The following RFX2 variants were observed in gnomAD, a reference collection of about 807,000 sequenced individuals.
The protein encoded by RFX2 is regulatory factor X2, also known as DNA-binding protein RFX2.
A neutral mutation model predicts 87.8 loss-of-function variants in RFX2; 20 were observed. The observed-to-expected ratio is 0.23, with a 90% confidence interval of 0.16 to 0.33. The LOEUF (loss-of-function observed/expected upper bound fraction) is 0.33, where lower values mean the gene tolerates loss of function less well. RFX2 is among the 10% of genes least tolerant of loss of function. The pLI, the probability that RFX2 is intolerant of heterozygous loss-of-function variation, is 1.00. For synonymous variants in RFX2, 397 were observed against 431.3 expected (o/e 0.92, Z 0.98); for missense variants, 767 against 1,012.3 (o/e 0.76, Z 3.29).
intron 1 of RFX2, among the ~76,000 whole-genome samples, chr19:6,105,391 A>T (rs1421096298): frequency 1.3e-5 from 2 of 152,094 alleles, no homozygotes; most frequent in Non-Finnish European, 2.9e-5. Flanking sequence ...GCAGAGCTGG[A>T]ATGAGCTTCC....
chr19:6,093,929 G>C (rs1039699803), intron 1 of RFX2, among the ~76,000 whole-genome samples: 1 of 152,294 alleles, frequency 6.6e-6, no homozygotes, highest in Admixed American at 6.5e-5. Context: ...TGGCTGCCAG[G>C]GGCTGGGGAA....
Position 6,050,937 on chromosome 19 carries a change from A to G in RFX2, c.-8-3433T>C, listed in dbSNP as rs920475993. Among the ~76,000 whole-genome samples, 2 of 152,202 alleles carry G rather than the reference A, an allele frequency of 1.3e-5. No homozygotes were observed. The highest frequency in any genetic ancestry group is 4.8e-5 in the African/African-American group (2 of 41,444). On this transcript the variant is annotated intron_variant, in intron 1 of 17. Coordinates refer to ENST00000303657, the MANE Select transcript of RFX2 (RefSeq NM_000635.4). The surrounding 1 kb of genome is among the most constrained non-coding windows in gnomAD (Gnocchi z 4.6). ...TTATATTCGGAGAACAAGGGCACAG[A>G]TGATGACTGGCTTCTCATCAATAAC...
rs66503447 is a variant in RFX2 at position 6,083,548 on chromosome 19, G to GTTT, written c.-9+26842_-9+26844dup. Reference sequence around the variant, plus strand: ...TGTGCTAGATGTAGTCTGCTGACCCGTTTTTTTTTTTTTTAATTTTTATTC... The same window carrying GTTT: ...TGTGCTAGATGTAGTCTGCTGACCCGTTTTTTTTTTTTTTTTTAATTTTTATTC... On this transcript the variant is annotated intron_variant, in intron 1 of 17. Coordinates refer to ENST00000303657, the MANE Select transcript of RFX2 (RefSeq NM_000635.4). The surrounding 1 kb of genome is among the most constrained non-coding windows in gnomAD (Gnocchi z 4.6). Among the ~76,000 whole-genome samples the GTTT allele has an allele frequency of 0.013, 1,900 of 143,596 alleles. 46 individuals carry two copies. The highest frequency in any genetic ancestry group is 0.046 in the African/African-American group (1,812 of 39,228). The allele number at this position is 143,596 out of a possible 152,430, so 94.2% of individuals were successfully genotyped here.
chr19:6,084,688 G>A (rs1040866712), intron 1 of RFX2, among the ~76,000 whole-genome samples: 1 of 147,376 alleles, frequency 6.8e-6, no homozygotes, highest in Non-Finnish European at 1.5e-5. Flanking sequence ...AGGCAGGAGT[G>A]CAGTGGTGCG....
intron 5 of RFX2, among the ~76,000 whole-genome samples, chr19:6,035,564 T>C (rs953602579): frequency 2.6e-5 from 4 of 152,216 alleles, no homozygotes; most frequent in Admixed American, 2.6e-4. Flanking sequence ...CAGTGAGGAC[T>C]TGCTTCAGTG....
chr19:6,109,339 G>A (rs990385409), intron 1 of RFX2: 1 of 152,094 alleles, frequency 6.6e-6, no homozygotes, highest in Non-Finnish European at 1.5e-5. Context: ...AGAAGGGGAG[G>A]GGGTGTCCGA....
At chr19:6,096,956 T>A (rs1599931195) in intron 1 of RFX2, among the ~76,000 whole-genome samples, 1 of 152,064 alleles carries the variant, frequency 6.6e-6, no homozygotes, top group Admixed American at 6.6e-5. Context: ...ATACCCTTCA[T>A]CTAAGGGAAG....
At chr19:6,062,752 G>A (rs2087454827) in intron 1 of RFX2, among the ~76,000 whole-genome samples, 1 of 152,204 alleles carries the variant, frequency 6.6e-6, no homozygotes, top group Admixed American at 6.5e-5. Context: ...CCAGCCCTCT[G>A]TGGTTCCAGT....
rs1317420488 is a variant in RFX2 at position 5,994,852 on chromosome 19, A to G, written c.2155T>C (p.Ser719Pro). 1.8e-5 allele frequency: 29 copies of G among 1,609,454 alleles called. No individual in the cohort carries two copies. The highest frequency in any genetic ancestry group is 2.5e-5 in the Non-Finnish European group (29 of 1,179,324). The stretch of plus-strand genomic sequence containing the variant: ...CGGGGCTGCTAGATGCCCTGCAGGG[A>G]GTGGTTGGGGTCACTGCGCTCCCGC... ...VKRERSDPNH[S>P]LQGI The change falls in exon 18 of 18, where the codon TCC (serine) becomes CCC (proline). Residue 719 changes from serine to proline, a missense_variant. Ser to Pro is a moderately conservative substitution (Grantham distance 74). Transcript: ENST00000303657.
At chr19:6,067,354 G>C (rs773437179) in intron 1 of RFX2, among the ~76,000 whole-genome samples, 1 of 152,204 alleles carries the variant, frequency 6.6e-6, no homozygotes, top group East Asian at 1.9e-4. Context: ...CTGACTCAGC[G>C]TCAGAAATGC....
intron 1 of RFX2, among the ~76,000 whole-genome samples, chr19:6,058,001 G>A (rs943149159): frequency 1.3e-5 from 2 of 152,186 alleles, no homozygotes; most frequent in African/African-American, 4.8e-5. Context: ...GCCGAAAAGT[G>A]GATTCTCGAA....
At chr19:6,079,630 G>A (rs913888991) in intron 1 of RFX2, among the ~76,000 whole-genome samples, 1 of 152,182 alleles carries the variant, frequency 6.6e-6, no homozygotes, top group African/African-American at 2.4e-5. Context: ...GCTCACGCCT[G>A]TAATCCTAGC....
rs148596542 is a variant in RFX2 at position 6,088,557 on chromosome 19, C to T, written c.-9+21836G>A. Among the ~76,000 whole-genome samples, 87 of 151,970 alleles carry T rather than the reference C, an allele frequency of 5.7e-4. 1 individual carries two copies. The East Asian group carries it at 0.015, about 26-fold the overall frequency. On this transcript the variant is annotated intron_variant, in intron 1 of 17. Coordinates refer to ENST00000303657, the MANE Select transcript of RFX2 (RefSeq NM_000635.4). The stretch of plus-strand genomic sequence containing the variant: ...AGTTCTCATAGGTATAAGAAGGCAA[C>T]GAAATTCATCCTGCAAGATGGATGT...
At chr19:6,054,269 CA>C (rs1185334539) in intron 1 of RFX2, among the ~76,000 whole-genome samples, 1 of 152,104 alleles carries the variant, frequency 6.6e-6, no homozygotes, top group Non-Finnish European at 1.5e-5. Context: ...AACTTCCCTA[CA>C]CAGAAAACTT....
chr19:6,057,384 A>C (rs1394810365), intron 1 of RFX2: 1 of 152,482 alleles, frequency 6.6e-6, no homozygotes, highest in Admixed American at 6.5e-5. Context: ...GAAATGCAGA[A>C]AACGCTGAGA....
intron 1 of RFX2, among the ~76,000 whole-genome samples, chr19:6,108,706 G>A (rs757353429): frequency 1.3e-5 from 2 of 152,132 alleles, no homozygotes; most frequent in Non-Finnish European, 2.9e-5. Flanking sequence ...ATGAAGCCTG[G>A]GGGGGCGGGG....
intron 1 of RFX2, among the ~76,000 whole-genome samples, chr19:6,081,694 T>G (rs749958941): frequency 2.0e-5 from 3 of 152,258 alleles, no homozygotes; most frequent in Non-Finnish European, 4.4e-5. Flanking sequence ...GGCTCATGCC[T>G]GGAATGCCAG....
At chr19:6,055,330 A>C (rs1406261066) in intron 1 of RFX2, among the ~76,000 whole-genome samples, 1 of 152,224 alleles carries the variant, frequency 6.6e-6, no homozygotes, top group Admixed American at 6.5e-5. Context: ...TTAACCCAGA[A>C]TTCCTCTTGT....
At position 6,091,409 on chromosome 19, in the gene RFX2, C is replaced by T. The variant is rs560219332; in HGVS notation, c.-9+18984G>A. Among the ~76,000 whole-genome samples the T allele has an allele frequency of 2.0e-5, 3 of 151,766 alleles. No homozygotes were observed. In the South Asian group the frequency reaches 6.3e-4, roughly 32 times the overall value. ...GCTGCAATAAGCCATGATCGCACCA[C>T]CCCACTGCAGCCTGGGCGACAGAGC... is the stretch of plus-strand genomic sequence containing the variant. On this transcript the variant is annotated intron_variant, in intron 1 of 17. Transcript: ENST00000303657.
Sources: allele counts gnomAD v4.1 joint callset (sites outside exome capture counted in the v4.1 genomes callset), GRCh38; gene constraint gnomAD v4.1.1; non-coding constraint Gnocchi (gnomAD v3.1); transcripts MANE v1.5; gene names NCBI Gene and HGNC (gene_info 2026-07-23, HGNC 2026-07-21).